ATXN7L3: variants seen among roughly 807,000 people sequenced by gnomAD.
ATXN7L3 encodes the protein ataxin-7-like protein 3.
ATXN7L3 carries 6 observed loss-of-function variants against 50.0 expected under a neutral mutation model. The ratio of observed to expected loss-of-function variants is 0.12; its 90% confidence interval spans 0.07 to 0.24. The LOEUF (loss-of-function observed/expected upper bound fraction) is 0.24, where lower values mean the gene tolerates loss of function less well. Among genes scored for constraint, ATXN7L3 ranks in the 10% least tolerant of loss-of-function variants. ATXN7L3 has a pLI of 1.00. For synonymous variants in ATXN7L3, 198 were observed against 165.8 expected (o/e 1.19, Z -1.49); for missense variants, 322 against 451.3 (o/e 0.71, Z 2.60).
In ATXN7L3 at chr17:44,194,117, C is replaced by CAT; in HGVS notation, c.*145_*146insAT. ...AGAGGACTTTGACACCCCCCAGGGG[C>CAT]GCATAATCGGATCCTCTGCCTGCCT... On this transcript the variant is annotated 3_prime_UTR_variant, in exon 13 of 13. Transcript: ENST00000587097. 1 of 1,058,392 alleles carries CAT rather than the reference C, an allele frequency of 9.4e-7. No homozygotes were observed. The highest frequency in any genetic ancestry group is 1.4e-6 in the Non-Finnish European group (1 of 729,800). The allele number at this position is 1,058,392 out of a possible 1,614,324, so 65.6% of individuals were successfully genotyped here. A position where few individuals can be genotyped will look rare whatever the true frequency, so the allele number is the denominator to read the frequency against.
At chr17:44,195,682 GAT>G in intron 8 of ATXN7L3, 116 bp downstream of exon 8, 1 of 1,263,840 alleles carries the variant, frequency 7.9e-7, no homozygotes. Flanking sequence ...AAATATGTAA[GAT>G]CCAAATAGCT....
At chr17:44,196,226 TCCCCCA>T in intron 6 of ATXN7L3, 147 bp from the exon 7 acceptor site, 1 of 737,702 alleles carries the variant, frequency 1.4e-6, no homozygotes, top group Non-Finnish European at 2.1e-6. Flanking sequence ...CCATGTGCCC[TCCCCCA>T]CCCCCCTTCC....
rs895481115 is a variant in ATXN7L3, at chr17:44,199,069, G to C, written c.-61+427C>G. The stretch of plus-strand genomic sequence containing the variant: ...GCACTGCTGCTGCATCATACCGACT[G>C]GGGGGAGGACAGCCGAGCCGCCGGG... On this transcript the variant is annotated intron_variant, in intron 1 of 12. Coordinates refer to ENST00000587097, the MANE Select transcript of ATXN7L3 (RefSeq NM_001382309.1). 1.7e-3 allele frequency: 258 copies of C among 152,482 alleles called. 1 individual carries two copies. The highest frequency in any genetic ancestry group is 2.7e-3 in the Non-Finnish European group (183 of 68,210). 9.4% of individuals were successfully genotyped at this position (152,482 alleles called of 1,614,324 possible). A position where few individuals can be genotyped will look rare whatever the true frequency, so the allele number is the denominator to read the frequency against.
intron 5 of ATXN7L3, 114 bp downstream of exon 5, chr17:44,196,815 G>C (rs572979080): frequency 3.2e-6 from 2 of 634,204 alleles, no homozygotes; most frequent in Non-Finnish European, 5.5e-6. Flanking sequence ...AGGAAATCGC[G>C]TAACTACACT....
Position 44,196,975 on chromosome 17 carries a change from A to G in ATXN7L3, c.408T>C (p.Asn136=). The G allele has an allele frequency of 6.2e-7, 1 of 1,613,424 alleles. No individual in the cohort carries two copies. Among genetic ancestry groups the G allele is most frequent in the Non-Finnish European group, 8.5e-7 (1 of 1,179,820 alleles). ...MNKSESDQED[N]DDINDNDWSY... ...ACCAGTCGTTGTCATTGATGTCATCATTATCTTCTTGGTCACTCTCAGACT... is the reference window on the plus strand; with the variant it reads ...ACCAGTCGTTGTCATTGATGTCATCGTTATCTTCTTGGTCACTCTCAGACT... Residue 136 remains asparagine (N), a synonymous_variant, in exon 5 of 13, where the codon AAT becomes AAC. Coordinates refer to ENST00000587097, the MANE Select transcript of ATXN7L3 (RefSeq NM_001382309.1).
Position 44,197,395 on chromosome 17 carries a change from G to T in ATXN7L3, c.189C>A (p.Ile63=). 1 of 1,594,068 alleles carries T rather than the reference G, an allele frequency of 6.3e-7. No individual in the cohort carries two copies. Among genetic ancestry groups the T allele is most frequent in the Non-Finnish European group, 8.6e-7 (1 of 1,166,774 alleles). Residue 63 remains isoleucine (I), a synonymous_variant, in exon 4 of 13, where the codon ATC becomes ATA. Transcript: ENST00000587097. Reference sequence around the variant, plus strand: ...AGATGTCCAAGCCCGGCTGGTCCACGATCTCTGGGGACAGGAGAGGCTGGC... The same window carrying T: ...AGATGTCCAAGCCCGGCTGGTCCACTATCTCTGGGGACAGGAGAGGCTGGC... The part of the protein sequence containing the change: ...TDPDSMKDFE[I]VDQPGLDIFG...
In ATXN7L3 at chr17:44,196,435, C is replaced by T; in HGVS notation, c.455-17G>A. ...TCTTCTTGGCTGTGGGAAACAAAAG[C>T]ATAAAGAGCAGGGTTTCCGTTAAGT... On this transcript the variant is annotated splice_polypyrimidine_tract_variant and intron_variant, in intron 5 of 12. Coordinates refer to ENST00000587097, the MANE Select transcript of ATXN7L3 (RefSeq NM_001382309.1). 6.2e-7 allele frequency: 1 copy of T among 1,613,974 alleles called. No individual in the cohort carries two copies.
At chr17:44,196,852 T>C (rs529037588) in intron 5 of ATXN7L3, 77 bp downstream of exon 5, 139 of 974,912 alleles carry the variant, frequency 1.4e-4, no homozygotes, top group African/African-American at 1.3e-3. Flanking sequence ...AGGCAACAAT[T>C]TGTGACCACT....
At chr17:44,199,346 A>AGCCGGGCGTTTCCGCGTCG (rs1447330820) in intron 1 of ATXN7L3, 150 bp downstream of exon 1, 1 of 148,882 alleles carries the variant, frequency 6.7e-6, no homozygotes, top group East Asian at 2.1e-4. Context: ...AGCTGGGGGA[A>AGCCGGGCGTTTCCGCGTCG]GCCGGGCGTT....
Position 44,192,879 on chromosome 17 carries a change from G to A in ATXN7L3, c.*1384C>T, listed in dbSNP as rs561251707. 6.6e-6 allele frequency: 1 copy of A among 152,306 alleles called. No homozygotes were observed. Among genetic ancestry groups the A allele is most frequent in the Non-Finnish European group, 1.5e-5 (1 of 68,140 alleles). The allele number at this position is 152,306 out of a possible 1,614,324, so 9.4% of individuals were successfully genotyped here. On this transcript the variant is annotated 3_prime_UTR_variant, in exon 13 of 13. Transcript: ENST00000587097. Reference sequence around the variant, plus strand: ...CTCTTGGGAAGAGGGTAGGGGACATGTCCAGCAAGTGCCAGAGAACTTGGC... The same window carrying A: ...CTCTTGGGAAGAGGGTAGGGGACATATCCAGCAAGTGCCAGAGAACTTGGC...
In ATXN7L3 at chr17:44,193,428, T is replaced by C. The variant is rs1381171892; in HGVS notation, c.*835A>G. 1.3e-5 allele frequency: 2 copies of C among 152,264 alleles called. No individual in the cohort carries two copies. The highest frequency in any genetic ancestry group is 2.9e-5 in the Non-Finnish European group (2 of 67,984). The allele number at this position is 152,264 out of a possible 1,614,324, so 9.4% of individuals were successfully genotyped here. On this transcript the variant is annotated 3_prime_UTR_variant, in exon 13 of 13. Transcript: ENST00000587097. ...GGCAGGGAATGAGGTAAGAAAACAT[T>C]TCAAATAAAGCAGCACCGTTCCCTC...
rs897056950 is a variant in ATXN7L3, at chr17:44,199,813, G to A, written c.-378C>T. ...TCCAGCCCGCCTCTCCCGGGCGGGG[G>A]GTGCGGCGCGAGCCCGGAGCGCGCG... On this transcript the variant is annotated 5_prime_UTR_variant, in exon 1 of 13. Transcript: ENST00000587097. 2 of 147,628 alleles carry A rather than the reference G, an allele frequency of 1.4e-5. No homozygotes were observed. Among genetic ancestry groups the A allele is most frequent in the Admixed American group, 6.7e-5 (1 of 15,008 alleles). The allele number at this position is 147,628 out of a possible 1,614,324, so 9.1% of individuals were successfully genotyped here. A position where few individuals can be genotyped will look rare whatever the true frequency, so the allele number is the denominator to read the frequency against.
At position 44,198,091 on chromosome 17, in the gene ATXN7L3, G is replaced by GGC; in HGVS notation, c.-23_-22dup. 1 of 1,613,436 alleles carries GGC rather than the reference G, an allele frequency of 6.2e-7. No individual in the cohort carries two copies. The highest frequency in any genetic ancestry group is 8.5e-7 in the Non-Finnish European group (1 of 1,179,536). On this transcript the variant is annotated 5_prime_UTR_variant, in exon 2 of 13. Coordinates refer to ENST00000587097, the MANE Select transcript of ATXN7L3 (RefSeq NM_001382309.1). ...TTCATTTGTAAACTCTTGTGGAGACGGCGCTCTGACTGCTCATAGCACAGC... is the reference window on the plus strand; with the variant it reads ...TTCATTTGTAAACTCTTGTGGAGACGGCGCGCTCTGACTGCTCATAGCACAGC...
rs1438530624 is a variant in ATXN7L3 at position 44,198,084 on chromosome 17, T to C, written c.-14A>G. ...CTCCATTTTCATTTGTAAACTCTTG[T>C]GGAGACGGCGCTCTGACTGCTCATA... On this transcript the variant is annotated 5_prime_UTR_variant, in exon 2 of 13. Transcript: ENST00000587097. 2.5e-6 allele frequency: 4 copies of C among 1,613,804 alleles called. No homozygotes were observed. Among genetic ancestry groups the C allele is most frequent in the Non-Finnish European group, 3.4e-6 (4 of 1,179,844 alleles).
chr17:44,195,224 T>C (rs2144470934), intron 9 of ATXN7L3, 84 bp from the exon 10 acceptor site: 2 of 1,495,326 alleles, frequency 1.3e-6, no homozygotes, highest in East Asian at 2.3e-5. Context: ...AAATGCTAGA[T>C]AGCACAAGCA....
In ATXN7L3 at chr17:44,199,831, A is replaced by AGCGC. The variant is rs1208163172; in HGVS notation, c.-400_-397dup. 2.1e-5 allele frequency: 3 copies of AGCGC among 142,066 alleles called. No individual in the cohort carries two copies. Among genetic ancestry groups the AGCGC allele is most frequent in the Non-Finnish European group, 3.1e-5 (2 of 64,782 alleles). 8.8% of individuals were successfully genotyped at this position (142,066 alleles called of 1,614,324 possible). On this transcript the variant is annotated 5_prime_UTR_variant, in exon 1 of 13. Transcript: ENST00000587097. ...GGCGGGGGGTGCGGCGCGAGCCCGGAGCGCGCGCGCGTGTGCCGCGACCGG... is the reference window on the plus strand; with the variant it reads ...GGCGGGGGGTGCGGCGCGAGCCCGGAGCGCGCGCGCGCGCGTGTGCCGCGACCGG...
chr17:44,196,879 C>A (rs767942168), intron 5 of ATXN7L3, 50 bp downstream of exon 5: 6 of 1,384,914 alleles, frequency 4.3e-6, no homozygotes, highest in Non-Finnish European at 6.2e-6. Context: ...CCAATTCCTG[C>A]TTCCCACCTC....
At chr17:44,195,619 A>G (rs2055856775) in intron 8 of ATXN7L3, 132 bp from the exon 9 acceptor site, 1 of 1,216,276 alleles carries the variant, frequency 8.2e-7, no homozygotes, top group Admixed American at 1.9e-5. Context: ...TTTCCAAGTG[A>G]TTTCTCTCAT....
In ATXN7L3 at chr17:44,193,518, G is replaced by C. The variant is rs1466068498; in HGVS notation, c.*745C>G. ...GAGGAGAGGCAGGGGGAGGAATTCTGACACTTCTCCCTCTTCCTACCCTCC... is the reference window on the plus strand; with the variant it reads ...GAGGAGAGGCAGGGGGAGGAATTCTCACACTTCTCCCTCTTCCTACCCTCC... On this transcript the variant is annotated 3_prime_UTR_variant, in exon 13 of 13. Coordinates refer to ENST00000587097, the MANE Select transcript of ATXN7L3 (RefSeq NM_001382309.1). 2 of 152,642 alleles carry C rather than the reference G, an allele frequency of 1.3e-5. No homozygotes were observed. Among genetic ancestry groups the C allele is most frequent in the East Asian group, 3.8e-4 (2 of 5,196 alleles). 9.5% of individuals were successfully genotyped at this position (152,642 alleles called of 1,614,324 possible).
Sources: allele counts gnomAD v4.1 joint callset, GRCh38; gene constraint gnomAD v4.1.1; transcripts MANE v1.5; gene names NCBI Gene and HGNC (gene_info 2026-07-23, HGNC 2026-07-21).